TNFAIP8: variants seen among roughly 807,000 people sequenced by gnomAD.
The protein encoded by TNFAIP8 is TNF alpha induced protein 8, also known as tumor necrosis factor alpha-induced protein 8.
TNFAIP8 carries 7 observed loss-of-function variants against 13.3 expected under a neutral mutation model. That is an observed-to-expected ratio of 0.52 (90% CI 0.30 to 0.99). The LOEUF (loss-of-function observed/expected upper bound fraction) is 0.99. Among genes scored for constraint, TNFAIP8 ranks in the 50% least tolerant of loss-of-function variants. The pLI is 0.07. For missense variants in TNFAIP8, 258 were observed against 236.9 expected (o/e 1.09, Z -0.58); for synonymous variants, 94 against 87.6 (o/e 1.07, Z -0.41).
chr5:119,366,865 T>A (rs188068470), intron 1 of TNFAIP8, among the ~76,000 whole-genome samples: 1 of 152,300 alleles, frequency 6.6e-6, no homozygotes, highest in East Asian at 1.9e-4. Context: ...TAGGGGTGAT[T>A]ACTTGACATT....
chr5:119,310,362 A>G (rs1749691440), intron 1 of TNFAIP8, among the ~76,000 whole-genome samples: 1 of 152,192 alleles, frequency 6.6e-6, no homozygotes, highest in Non-Finnish European at 1.5e-5. Flanking sequence ...CTCCTAGGAC[A>G]GTTACCCCAG....
At chr5:119,268,831 G>T in exon 1 of TNFAIP8, 1 of 702,362 alleles carries the variant, frequency 1.4e-6, no homozygotes, top group South Asian at 1.5e-5. Context: ...GAGCCACCGA[G>T]AGAGCAGAGA....
chr5:119,295,627 C>A (rs1286450290), intron 1 of TNFAIP8, among the ~76,000 whole-genome samples: 1 of 151,918 alleles, frequency 6.6e-6, no homozygotes, highest in Non-Finnish European at 1.5e-5. Context: ...TTTTTTGGTT[C>A]CATATGAACT....
intron 1 of TNFAIP8, among the ~76,000 whole-genome samples, chr5:119,301,044 A>G (rs1037460005): frequency 6.6e-6 from 1 of 152,206 alleles, no homozygotes; most frequent in African/African-American, 2.4e-5. Context: ...TTCAGAATTC[A>G]GATCCTTATT....
chr5:119,355,589 A>G, upstream of TNFAIP8: 2 of 563,664 alleles, frequency 3.5e-6, no homozygotes, highest in Non-Finnish European at 3.1e-6. Context: ...ATGGGCATCA[A>G]AAAATGTAAT....
intron 1 of TNFAIP8, among the ~76,000 whole-genome samples, chr5:119,371,544 G>A (rs1173806299): frequency 1.3e-5 from 2 of 152,152 alleles, no homozygotes; most frequent in Non-Finnish European, 2.9e-5. Flanking sequence ...CTAGTTCAAG[G>A]GGAAACTCTC....
rs1580456377 is a variant in TNFAIP8, at chr5:119,393,658, A to G, written c.*277A>G. On this transcript the variant is annotated 3_prime_UTR_variant, in exon 2 of 2. Transcript: ENST00000504771. ...AATGTAGTTATACAAAGAAAAATAC[A>G]GATGTCTCCAGACCTGAGGACTTTT... 6 of 377,338 alleles carry G rather than the reference A, an allele frequency of 1.6e-5. No individual in the cohort carries two copies. In the East Asian group the frequency reaches 2.6e-4, roughly 16 times the overall value. 23.4% of individuals were successfully genotyped at this position (377,338 alleles called of 1,614,324 possible).
At chr5:119,389,823 G>A (rs1752827130) in intron 1 of TNFAIP8, among the ~76,000 whole-genome samples, 1 of 152,154 alleles carries the variant, frequency 6.6e-6, no homozygotes, top group South Asian at 2.1e-4. Context: ...GGGGTTTGAA[G>A]TTCCTCTAGG....
At chr5:119,292,666 A>ATG (rs1749026565) in intron 1 of TNFAIP8, among the ~76,000 whole-genome samples, 1 of 43,390 alleles carries the variant, frequency 2.3e-5, no homozygotes, top group East Asian at 3.2e-3. Flanking sequence ...ATATATATAT[A>ATG]TATATATATA....
rs1309109918 is a variant in TNFAIP8 at position 119,394,537 on chromosome 5, G to A, written c.*1156G>A. On this transcript the variant is annotated 3_prime_UTR_variant, in exon 2 of 2. Transcript: ENST00000504771. ...TGTAAAAAAGAAATGAAAATCTGCT[G>A]GCCAGCTATGTCCTCTAGGAAATGA... 1 of 151,344 alleles carries A rather than the reference G, an allele frequency of 6.6e-6. No individual in the cohort carries two copies. Among genetic ancestry groups the A allele is most frequent in the Admixed American group, 6.6e-5 (1 of 15,182 alleles). The allele number at this position is 151,344 out of a possible 1,614,324, so 9.4% of individuals were successfully genotyped here. A position where few individuals can be genotyped will look rare whatever the true frequency, so the allele number is the denominator to read the frequency against.
At chr5:119,318,523 T>C (rs765413981) in intron 1 of TNFAIP8, among the ~76,000 whole-genome samples, 8 of 152,180 alleles carry the variant, frequency 5.3e-5, no homozygotes, top group African/African-American at 1.7e-4. Context: ...CTTGAACTCC[T>C]TGACTCAAGT....
chr5:119,355,099 A>G, upstream of TNFAIP8: 1 of 538,860 alleles, frequency 1.9e-6, no homozygotes, highest in Non-Finnish European at 3.3e-6. Flanking sequence ...CCTCTCAGCC[A>G]ATTTGTAGGG....
chr5:119,300,203 G>T (rs542186745), intron 1 of TNFAIP8, among the ~76,000 whole-genome samples: 1 of 152,324 alleles, frequency 6.6e-6, no homozygotes, highest in South Asian at 2.1e-4. Flanking sequence ...CTTCTGTGTC[G>T]CTCACGCCGG....
At chr5:119,356,199 G>T (rs1164622235) in intron 1 of TNFAIP8, 78 bp downstream of exon 1, 1 of 1,346,264 alleles carries the variant, frequency 7.4e-7, no homozygotes, top group Non-Finnish European at 1.0e-6. Flanking sequence ...GAAGAGGATG[G>T]GAGTTTTAAA....
chr5:119,372,606 C>T (rs966427561), intron 1 of TNFAIP8, among the ~76,000 whole-genome samples: 1 of 152,100 alleles, frequency 6.6e-6, no homozygotes, highest in Non-Finnish European at 1.5e-5. Flanking sequence ...AAAAAGTAGC[C>T]CACATACCAT....
intron 1 of TNFAIP8, among the ~76,000 whole-genome samples, chr5:119,373,143 C>T (rs1752150676): frequency 6.6e-6 from 1 of 152,070 alleles, no homozygotes. Context: ...AGACACAAAG[C>T]TTAATAACCA....
intron 1 of TNFAIP8, among the ~76,000 whole-genome samples, chr5:119,391,759 C>CAAAA (rs1189646198): frequency 2.5e-5 from 2 of 79,518 alleles, no homozygotes; most frequent in African/African-American, 4.8e-5. Flanking sequence ...AACTCCGTCT[C>CAAAA]AAAAAAAAAA....
At chr5:119,392,269 C>T (rs901548333) in intron 1 of TNFAIP8, among the ~76,000 whole-genome samples, 2 of 152,208 alleles carry the variant, frequency 1.3e-5, no homozygotes, top group Admixed American at 1.3e-4. Context: ...TTTTGATTTG[C>T]TTAATCTGCC....
chr5:119,282,534 T>C (rs750019815), intron 1 of TNFAIP8, among the ~76,000 whole-genome samples: 2 of 152,234 alleles, frequency 1.3e-5, no homozygotes, highest in Non-Finnish European at 2.9e-5. Context: ...GTGTTCTTGT[T>C]GTATTGCATT....
Sources: allele counts gnomAD v4.1 joint callset (sites outside exome capture counted in the v4.1 genomes callset), GRCh38; gene constraint gnomAD v4.1.1; transcripts MANE v1.5; gene names NCBI Gene and HGNC (gene_info 2026-07-23, HGNC 2026-07-21).